KLHDC1: variants seen among roughly 807,000 people sequenced by gnomAD.
KLHDC1 encodes the protein kelch domain containing 1.
KLHDC1 carries 53 observed loss-of-function variants against 68.3 expected under a neutral mutation model. The observed-to-expected ratio is 0.78, with a 90% CI of 0.62 to 0.98. The LOEUF is 0.98. KLHDC1 is among the 50% of genes least tolerant of loss of function. The pLI is 0.00. For synonymous variants in KLHDC1, 148 were observed against 159.0 expected (o/e 0.93, Z 0.52); for missense variants, 470 against 492.3 (o/e 0.95, Z 0.43).
intron 4 of KLHDC1, among the ~76,000 whole-genome samples, chr14:49,715,870 A>G (rs1888364398): frequency 6.6e-6 from 1 of 150,608 alleles, no homozygotes; most frequent in South Asian, 2.1e-4. Context: ...TTTCTTTTGA[A>G]GTCGTTTGAG....
chr14:49,720,566 A>G (rs1036545531), intron 4 of KLHDC1, among the ~76,000 whole-genome samples: 6 of 151,404 alleles, frequency 4.0e-5, no homozygotes, highest in East Asian at 1.9e-4. Context: ...CTTTGTATTT[A>G]TCTTACTTGG....
chr14:49,749,117 A>C (rs1390057604), intron 12 of KLHDC1, among the ~76,000 whole-genome samples: 1 of 152,042 alleles, frequency 6.6e-6, no homozygotes, highest in Non-Finnish European at 1.5e-5. Flanking sequence ...TTTTATATAT[A>C]AATCATTTAT....
At position 49,719,400 on chromosome 14, in the gene KLHDC1, T is replaced by TTTTATTTA. The variant is rs146638829; in HGVS notation, c.405-4454_405-4447dup. Among the ~76,000 whole-genome samples, 65 of 150,882 alleles carry TTTTATTTA rather than the reference T, an allele frequency of 4.3e-4. No individual in the cohort carries two copies. The East Asian group carries it at 9.9e-3, about 23-fold the overall frequency. ...TTTTTTTCTTTCAGCACTTTACAGG[T>TTTTATTTA]TTTATTTATTTATTTATTTATTTAT... On this transcript the variant is annotated intron_variant, in intron 4 of 12. Transcript: ENST00000359332.
chr14:49,749,091 G>A (rs930923778), intron 12 of KLHDC1, among the ~76,000 whole-genome samples: 1 of 151,802 alleles, frequency 6.6e-6, no homozygotes, highest in African/African-American at 2.4e-5. Flanking sequence ...GAGCCACCCC[G>A]CCCAGCAGAG....
At chr14:49,705,884 A>G (rs953759034) in intron 1 of KLHDC1, among the ~76,000 whole-genome samples, 38 of 152,328 alleles carry the variant, frequency 2.5e-4, no homozygotes, top group East Asian at 2.1e-3. Context: ...GTAGGTGTAT[A>G]TATTTATGGG....
chr14:49,695,115 G>GATGTGTGTGTGT (rs1887697064), intron 1 of KLHDC1, among the ~76,000 whole-genome samples: 1 of 22,978 alleles, frequency 4.4e-5, no homozygotes, highest in East Asian at 1.4e-3. Context: ...ATGCAGTTTT[G>GATGTGTGTGTGT]ATGTGTGTGT....
At position 49,716,943 on chromosome 14, in the gene KLHDC1, A is replaced by G. The variant is rs574073935; in HGVS notation, c.404+6562A>G. Among the ~76,000 whole-genome samples the G allele has an allele frequency of 2.0e-5, 3 of 152,308 alleles. No homozygotes were observed. In the South Asian group the frequency reaches 6.2e-4, roughly 32 times the overall value. On this transcript the variant is annotated intron_variant, in intron 4 of 12. Coordinates refer to ENST00000359332, the MANE Select transcript of KLHDC1 (RefSeq NM_172193.3). ...ATAATAATTTACGAATAAGCAGATAATAGGTATTTCATAAAAATTGAATCA... is the reference window on the plus strand; with the variant it reads ...ATAATAATTTACGAATAAGCAGATAGTAGGTATTTCATAAAAATTGAATCA...
intron 10 of KLHDC1, among the ~76,000 whole-genome samples, chr14:49,737,407 T>A (rs2139763144): frequency 1.3e-5 from 2 of 152,328 alleles, no homozygotes; most frequent in Middle Eastern, 3.4e-3. Flanking sequence ...ATTCCACTGT[T>A]TGCACTTGTG....
intron 1 of KLHDC1, among the ~76,000 whole-genome samples, chr14:49,701,726 G>A (rs1887912047): frequency 6.6e-6 from 1 of 152,000 alleles, no homozygotes; most frequent in African/African-American, 2.4e-5. Context: ...GAGGCAAATG[G>A]CAAAGGAGAA....
intron 4 of KLHDC1, among the ~76,000 whole-genome samples, chr14:49,711,921 T>C (rs1365848115): frequency 7.5e-6 from 1 of 133,738 alleles, no homozygotes. Flanking sequence ...TTTTTTTTTT[T>C]TTTTTTTTTT....
At chr14:49,732,143 A>G (rs1163286550) in intron 8 of KLHDC1, among the ~76,000 whole-genome samples, 1 of 152,106 alleles carries the variant, frequency 6.6e-6, no homozygotes, top group Non-Finnish European at 1.5e-5. Flanking sequence ...AATGATGCTG[A>G]GTATGCATTG....
At chr14:49,698,980 C>T (rs534046464) in intron 1 of KLHDC1, among the ~76,000 whole-genome samples, 78 of 151,116 alleles carry the variant, frequency 5.2e-4, no homozygotes, top group African/African-American at 1.7e-3. Context: ...CTGGCTAACT[C>T]GGCGAAACCC....
chr14:49,696,286 C>T (rs1433186480), intron 1 of KLHDC1, among the ~76,000 whole-genome samples: 2 of 151,898 alleles, frequency 1.3e-5, no homozygotes, highest in East Asian at 3.9e-4. Flanking sequence ...ATTCTCATGC[C>T]TCAGCCTCCT....
chr14:49,751,093 A>T (rs1241124406), intron 12 of KLHDC1: 1 of 152,334 alleles, frequency 6.6e-6, no homozygotes, highest in Non-Finnish European at 1.5e-5. Flanking sequence ...CCATAGACTC[A>T]TCTGGTTTGA....
chr14:49,701,534 C>A (rs796577740), intron 1 of KLHDC1, among the ~76,000 whole-genome samples: 4 of 152,140 alleles, frequency 2.6e-5, no homozygotes, highest in African/African-American at 9.6e-5. Flanking sequence ...TGGTGCATGC[C>A]TGTAATCCCA....
chr14:49,739,070 A>G (rs1889000842), intron 10 of KLHDC1, among the ~76,000 whole-genome samples: 1 of 152,218 alleles, frequency 6.6e-6, no homozygotes, highest in South Asian at 2.1e-4. Context: ...ATGAGCACAT[A>G]AACATTAAAG....
At chr14:49,704,570 T>A (rs539879508) in intron 1 of KLHDC1, among the ~76,000 whole-genome samples, 2 of 151,940 alleles carry the variant, frequency 1.3e-5, no homozygotes, top group South Asian at 4.2e-4. Flanking sequence ...ATTTTTTGTA[T>A]TTTTAGTAGA....
At chr14:49,697,098 A>G (rs1887765993) in intron 1 of KLHDC1, among the ~76,000 whole-genome samples, 1 of 151,966 alleles carries the variant, frequency 6.6e-6, no homozygotes, top group African/African-American at 2.4e-5. Flanking sequence ...CACCACACCC[A>G]GCTAATTTTT....
rs566452907 is a variant in KLHDC1 at position 49,698,387 on chromosome 14, A to G, written c.96+5097A>G. Among the ~76,000 whole-genome samples the G allele has an allele frequency of 5.3e-5, 8 of 152,116 alleles. No homozygotes were observed. In the South Asian group the frequency reaches 1.5e-3, roughly 28 times the overall value. ...CCCAACTACTTTTTGTATTCTTAGT[A>G]CAGGCGGGGTTTCACCATGTTGGCC... On this transcript the variant is annotated intron_variant, in intron 1 of 12. Transcript: ENST00000359332.
Sources: allele counts gnomAD v4.1 joint callset (sites outside exome capture counted in the v4.1 genomes callset), GRCh38; gene constraint gnomAD v4.1.1; transcripts MANE v1.5; gene names NCBI Gene and HGNC (gene_info 2026-07-23, HGNC 2026-07-21).